MIGA1: variants seen among roughly 807,000 people sequenced by gnomAD.
The protein encoded by MIGA1 is family with sequence similarity 73, member A.
In MIGA1, 58 loss-of-function variants were observed where a neutral mutation model predicts 82.0. The observed-to-expected ratio is 0.71, with a 90% CI of 0.57 to 0.88. The LOEUF is 0.88. Ranked by LOEUF, MIGA1 falls within the 40% of genes least tolerant of loss-of-function variation. MIGA1 has a pLI of 0.00. For missense variants in MIGA1, 751 were observed against 749.1 expected, an observed-to-expected ratio of 1.00 and a Z score of -0.03; for synonymous variants, 249 against 253.6, an observed-to-expected ratio of 0.98 and a Z score of 0.17.
At chr1:77,846,511 T>C (rs1416458084) in intron 8 of MIGA1, among the ~76,000 whole-genome samples, 1 of 151,928 alleles carries the variant, frequency 6.6e-6, no homozygotes, top group East Asian at 1.9e-4. Flanking sequence ...AAAAATTTTT[T>C]TAAATAGAGG....
At chr1:77,816,608 A>G (rs1451203153) in intron 7 of MIGA1, among the ~76,000 whole-genome samples, 1 of 152,162 alleles carries the variant, frequency 6.6e-6, no homozygotes, top group Non-Finnish European at 1.5e-5. Context: ...TTGTCACCAA[A>G]CATTATTTAT....
intron 2 of MIGA1, among the ~76,000 whole-genome samples, chr1:77,784,463 T>C (rs1432260688): frequency 1.3e-5 from 2 of 152,152 alleles, no homozygotes; most frequent in Non-Finnish European, 2.9e-5. Flanking sequence ...TGGCCTCAAA[T>C]CATCCTCTCA....
At chr1:77,839,087 G>A (rs992766538) in intron 7 of MIGA1, among the ~76,000 whole-genome samples, 32 of 152,234 alleles carry the variant, frequency 2.1e-4, no homozygotes, top group African/African-American at 7.2e-4. Context: ...ACACCCACGG[G>A]TAGAATTGCT....
In MIGA1 at chr1:77,860,137, TC is replaced by T; in HGVS notation, c.1275+12del. ...GTGAAAGCACGAAAGGTAAACTTGT[TC>T]TGTTGGCAAGATTTTTACCATTTAC... is the stretch of plus-strand genomic sequence containing the variant. On this transcript the variant is annotated intron_variant, in intron 11 of 15. Coordinates refer to ENST00000370791, the MANE Select transcript of MIGA1 (RefSeq NM_198549.4). The T allele has an allele frequency of 6.3e-7, 1 of 1,585,506 alleles. No homozygotes were observed. The highest frequency in any genetic ancestry group is 8.6e-7 in the Non-Finnish European group (1 of 1,159,368).
At chr1:77,857,203 T>G (rs1206754600) in intron 8 of MIGA1, among the ~76,000 whole-genome samples, 1 of 152,070 alleles carries the variant, frequency 6.6e-6, no homozygotes, top group Non-Finnish European at 1.5e-5. Flanking sequence ...CTTTTTGGAG[T>G]TGATTTCCAG....
At chr1:77,869,531 G>A (rs1184142688) in intron 14 of MIGA1, among the ~76,000 whole-genome samples, 33 of 135,486 alleles carry the variant, frequency 2.4e-4, no homozygotes, top group Non-Finnish European at 3.5e-4. Flanking sequence ...GGGCAGAAGC[G>A]CCCCTCACCT....
At chr1:77,850,760 C>T (rs1685014031) in intron 8 of MIGA1, among the ~76,000 whole-genome samples, 1 of 152,146 alleles carries the variant, frequency 6.6e-6, no homozygotes, top group African/African-American at 2.4e-5. Context: ...TAGCTAATCC[C>T]CAAACACAGT....
intron 8 of MIGA1, among the ~76,000 whole-genome samples, chr1:77,844,638 G>T (rs1355427119): frequency 6.6e-6 from 1 of 152,048 alleles, no homozygotes; most frequent in Admixed American, 6.6e-5. Context: ...TTTTACAGTA[G>T]ATTTTGGATA....
chr1:77,822,864 A>G (rs1285199101), intron 7 of MIGA1, among the ~76,000 whole-genome samples: 3 of 135,444 alleles, frequency 2.2e-5, no homozygotes, highest in Admixed American at 8.0e-5. Flanking sequence ...TTTTTCCGAG[A>G]CAGAGTCTTG....
chr1:77,824,193 A>T (rs1268256603), intron 7 of MIGA1, among the ~76,000 whole-genome samples: 1 of 152,188 alleles, frequency 6.6e-6, no homozygotes, highest in East Asian at 1.9e-4. Context: ...AAAATGAAAA[A>T]CTTCTGACAA....
chr1:77,827,423 A>G (rs780892876), intron 7 of MIGA1, among the ~76,000 whole-genome samples: 1 of 152,114 alleles, frequency 6.6e-6, no homozygotes, highest in Non-Finnish European at 1.5e-5. Flanking sequence ...GCAGTGAGCT[A>G]TGATCACACC....
chr1:77,785,683 A>C (rs924287048), intron 2 of MIGA1, among the ~76,000 whole-genome samples: 1 of 152,024 alleles, frequency 6.6e-6, no homozygotes, highest in African/African-American at 2.4e-5. Context: ...ATCTCTTTTG[A>C]CTCCATGTCT....
rs925526572 is a variant in MIGA1, at chr1:77,783,316, G to T, written c.160G>T (p.Asp54Tyr). ...GAAGACAGCAGCGCTAAGAGTGTTTGATCTTCCTCTGACTTGGTACTATTC... is the reference window on the plus strand; with the variant it reads ...GAAGACAGCAGCGCTAAGAGTGTTTTATCTTCCTCTGACTTGGTACTATTC... The change falls in exon 2 of 16, where the codon GAT becomes TAT. Residue 54 changes from aspartate to tyrosine, a missense_variant. Asp to Tyr is a radical substitution (Grantham distance 160). Coordinates refer to ENST00000370791, the MANE Select transcript of MIGA1 (RefSeq NM_198549.4). The T allele has an allele frequency of 1.2e-6, 2 of 1,601,384 alleles. No homozygotes were observed. The highest frequency in any genetic ancestry group is 2.7e-5 in the African/African-American group (2 of 74,782).
intron 7 of MIGA1, among the ~76,000 whole-genome samples, chr1:77,821,665 A>G (rs1383038496): frequency 6.6e-6 from 1 of 152,124 alleles, no homozygotes; most frequent in East Asian, 1.9e-4. Flanking sequence ...AAGTGCTGGG[A>G]TTACAGTTGT....
intron 13 of MIGA1, among the ~76,000 whole-genome samples, chr1:77,866,122 G>A (rs1431135531): frequency 6.6e-6 from 1 of 151,972 alleles, no homozygotes; most frequent in Non-Finnish European, 1.5e-5. Flanking sequence ...TCACCGTCTT[G>A]GCCAGGATGG....
At chr1:77,871,786 T>C (rs1646838671) in intron 14 of MIGA1, among the ~76,000 whole-genome samples, 1 of 152,202 alleles carries the variant, frequency 6.6e-6, no homozygotes, top group South Asian at 2.1e-4. Flanking sequence ...AAGTTAGGAT[T>C]CTAGTAAGAG....
chr1:77,834,000 T>C (rs1684336903), intron 7 of MIGA1, among the ~76,000 whole-genome samples: 3 of 152,216 alleles, frequency 2.0e-5, no homozygotes, highest in Admixed American at 6.5e-5. Context: ...TTTTGATAAA[T>C]AGGGAATGCC....
intron 7 of MIGA1, among the ~76,000 whole-genome samples, chr1:77,816,641 G>A (rs1271676736): frequency 1.3e-5 from 2 of 152,204 alleles, no homozygotes; most frequent in African/African-American, 4.8e-5. Context: ...TTTTTTAATA[G>A]CTTCTCTGCT....
At position 77,843,459 on chromosome 1, in the gene MIGA1, C is replaced by T. The variant is rs1394979523; in HGVS notation, c.996+52C>T. 5.1e-6 allele frequency: 7 copies of T among 1,375,204 alleles called. No homozygotes were observed. The South Asian group carries it at 7.0e-5, about 14-fold the overall frequency. The allele number at this position is 1,375,204 out of a possible 1,614,324, so 85.2% of individuals were successfully genotyped here. ...ATTTCTGTTTCTTTTTTGGTGGAAA[C>T]AACAGTCTTGTCATTATACTGTAAT... On this transcript the variant is annotated intron_variant, in intron 8 of 15. Transcript: ENST00000370791.
Sources: allele counts gnomAD v4.1 joint callset (sites outside exome capture counted in the v4.1 genomes callset), GRCh38; gene constraint gnomAD v4.1.1; transcripts MANE v1.5; gene names NCBI Gene and HGNC (gene_info 2026-07-23, HGNC 2026-07-21).